Variants in ASPRV1 observed in about 807,000 individuals in gnomAD.
ASPRV1 encodes retroviral-like aspartic protease 1.
In ASPRV1, 7 loss-of-function variants were observed where a neutral mutation model predicts 11.0. The ratio of observed to expected loss-of-function variants is 0.64; its 90% confidence interval spans 0.36 to 1.20. The LOEUF (loss-of-function observed/expected upper bound fraction) is 1.20. Ranked by LOEUF, ASPRV1 falls within the 50% of genes most tolerant of loss-of-function variation. The probability of loss-of-function intolerance (pLI) is 0.02; values close to 1 mark genes in which losing one functional copy is unlikely to be tolerated. For missense variants in ASPRV1, 299 were observed against 320.0 expected (o/e 0.93, Z 0.50); for synonymous variants, 136 against 138.4 (o/e 0.98, Z 0.12).
At chr2:70,049,830 A>C in the ASPRV1 span, 4 of 152,236 alleles carry the variant, frequency 2.6e-5, no homozygotes, top group Non-Finnish European at 5.9e-5. Context: ...GCTGTATCCA[A>C]ACATTAAATC....
the ASPRV1 span, among the ~76,000 whole-genome samples, chr2:69,986,246 G>A: frequency 5.4e-4 from 82 of 152,326 alleles, 1 homozygote; most frequent in South Asian, 0.016. Context: ...AGCTGAGCCT[G>A]CTTCCTGCAT....
the ASPRV1 span, among the ~76,000 whole-genome samples, chr2:70,024,699 C>T: frequency 1.3e-5 from 2 of 152,132 alleles, no homozygotes; most frequent in Non-Finnish European, 2.9e-5. Context: ...ACAGTTGTAG[C>T]TCCAGGTGTG....
At chr2:69,959,427 C>T (rs1284197681), downstream of ASPRV1, among the ~76,000 whole-genome samples, 1 of 152,134 alleles carries the variant, frequency 6.6e-6, no homozygotes, top group Non-Finnish European at 1.5e-5. Flanking sequence ...GATTCCCAGC[C>T]CTGCTGCACT....
At chr2:69,984,292 G>C in the ASPRV1 span, among the ~76,000 whole-genome samples, 2 of 152,104 alleles carry the variant, frequency 1.3e-5, no homozygotes, top group Non-Finnish European at 1.5e-5. Context: ...ACCTGCCTCA[G>C]CCTCCCAAAG....
the ASPRV1 span, among the ~76,000 whole-genome samples, chr2:70,043,921 G>A: frequency 6.6e-6 from 1 of 152,090 alleles, no homozygotes; most frequent in African/African-American, 2.4e-5. Flanking sequence ...TCCATAACCA[G>A]CACTGTCAGC....
the ASPRV1 span, among the ~76,000 whole-genome samples, chr2:69,972,075 T>C: frequency 1.3e-5 from 2 of 152,142 alleles, no homozygotes; most frequent in African/African-American, 2.4e-5. Context: ...CCATTTTTTT[T>C]TTTTGAGACG....
At position 69,960,834 on chromosome 2, in the gene ASPRV1, G is replaced by A. The variant is rs750968820; in HGVS notation, c.603C>T (p.Gly201=). Residue 201 remains glycine (G), a synonymous_variant, in exon 1 of 1, where the codon GGC becomes GGT. Coordinates refer to ENST00000320256, the MANE Select transcript of ASPRV1 (RefSeq NM_152792.4). ...CATTGTGGTCCTGGAGCACATCAGTGCCAATGATGGCTTCCTCGGCACTCG... is the reference window on the plus strand; with the variant it reads ...CATTGTGGTCCTGGAGCACATCAGTACCAATGATGGCTTCCTCGGCACTCG... ...ANASAEEAII[G]TDVLQDHNAI... 5.0e-6 allele frequency: 8 copies of A among 1,614,018 alleles called. No individual in the cohort carries two copies. The highest frequency in any genetic ancestry group is 4.0e-5 in the African/African-American group (3 of 74,896).
At chr2:70,059,386 T>C in the ASPRV1 span, among the ~76,000 whole-genome samples, 2 of 150,382 alleles carry the variant, frequency 1.3e-5, no homozygotes, top group Admixed American at 6.6e-5. Flanking sequence ...AGAGGGAGCA[T>C]AGTGAGGTAG....
At chr2:70,043,896 T>C in the ASPRV1 span, among the ~76,000 whole-genome samples, 2 of 152,144 alleles carry the variant, frequency 1.3e-5, no homozygotes, top group African/African-American at 4.8e-5. Flanking sequence ...ACAACCTCTT[T>C]TGGGGTCATG....
At chr2:70,059,256 CTTTTT>C in the ASPRV1 span, among the ~76,000 whole-genome samples, 70 of 112,224 alleles carry the variant, frequency 6.2e-4, no homozygotes, top group Non-Finnish European at 1.1e-3. Flanking sequence ...GATTGGTTTT[CTTTTT>C]TTTTTTTTTT....
At chr2:69,974,031 A>T in the ASPRV1 span, among the ~76,000 whole-genome samples, 1 of 152,248 alleles carries the variant, frequency 6.6e-6, no homozygotes, top group African/African-American at 2.4e-5. Flanking sequence ...TTAAAAGAAT[A>T]AAGAATAATA....
At chr2:69,938,262 A>C in the ASPRV1 span, 1 of 1,614,198 alleles carries the variant, frequency 6.2e-7, no homozygotes, top group South Asian at 1.1e-5. Flanking sequence ...CAGGACAGTC[A>C]CAAGGCGTGT....
chr2:70,028,929 G>A, the ASPRV1 span, among the ~76,000 whole-genome samples: 1 of 151,440 alleles, frequency 6.6e-6, no homozygotes, highest in Admixed American at 6.6e-5. Context: ...GCGACAGAGA[G>A]ACTCCGTCTC....
At chr2:69,990,821 A>G in the ASPRV1 span, among the ~76,000 whole-genome samples, 2 of 152,040 alleles carry the variant, frequency 1.3e-5, no homozygotes, top group African/African-American at 4.8e-5. Flanking sequence ...CTCCTCATCC[A>G]TGGTAATCAT....
the ASPRV1 span, chr2:69,938,241 G>A: frequency 6.2e-7 from 1 of 1,614,208 alleles, no homozygotes; most frequent in Non-Finnish European, 8.5e-7. Context: ...AGCATCAAGA[G>A]AATAAAGCTG....
chr2:70,021,886 A>G, the ASPRV1 span, among the ~76,000 whole-genome samples: 5 of 144,202 alleles, frequency 3.5e-5, no homozygotes, highest in African/African-American at 1.3e-4. Context: ...TTGTATTTTT[A>G]GTAGAGATGG....
chr2:69,937,511 T>A, the ASPRV1 span: 1 of 1,033,044 alleles, frequency 9.7e-7, no homozygotes, highest in Non-Finnish European at 1.4e-6. Flanking sequence ...GGGTATGATG[T>A]AGAGAAGTCG....
the ASPRV1 span, chr2:69,937,449 A>T: frequency 7.1e-7 from 1 of 1,405,422 alleles, no homozygotes; most frequent in Non-Finnish European, 9.2e-7. Flanking sequence ...ACCCCAGAGC[A>T]GGGGTTCAGT....
At chr2:70,056,625 A>AAAAAG in the ASPRV1 span, 8 of 145,272 alleles carry the variant, frequency 5.5e-5, no homozygotes, top group East Asian at 4.4e-4. Flanking sequence ...AAAAAAAAAA[A>AAAAAG]GTGGTTAAAA....
Sources: allele counts gnomAD v4.1 joint callset (sites outside exome capture counted in the v4.1 genomes callset), GRCh38; gene constraint gnomAD v4.1.1; transcripts MANE v1.5; gene names NCBI Gene and HGNC (gene_info 2026-07-23, HGNC 2026-07-21).